The following USP43 variants were observed in gnomAD, a reference collection of about 807,000 sequenced individuals.
USP43 encodes the protein ubiquitin carboxyl-terminal hydrolase 43.
USP43 carries 33 observed loss-of-function variants against 90.7 expected under a neutral mutation model. The ratio of observed to expected loss-of-function variants is 0.36; its 90% confidence interval spans 0.28 to 0.49. The LOEUF is 0.49. Among genes scored for constraint, USP43 ranks in the 20% least tolerant of loss-of-function variants. The pLI is 0.98. For missense variants in USP43, 1,274 were observed against 1,476.4 expected, an observed-to-expected ratio of 0.86 and a Z score of 2.25; for synonymous variants, 598 against 615.8, an observed-to-expected ratio of 0.97 and a Z score of 0.43.
chr17:9,703,469 G>T (rs1915691301), intron 12 of USP43, among the ~76,000 whole-genome samples: 1 of 152,214 alleles, frequency 6.6e-6, no homozygotes, highest in African/African-American at 2.4e-5. Flanking sequence ...GCCCGATTTT[G>T]GGGGTGGTGG....
In USP43 at chr17:9,645,855, C is replaced by G; in HGVS notation, c.223C>G (p.Pro75Ala). 2.1e-6 allele frequency: 3 copies of G among 1,416,214 alleles called. No individual in the cohort carries two copies. Among genetic ancestry groups the G allele is most frequent in the Non-Finnish European group, 2.7e-6 (3 of 1,091,110 alleles). 87.7% of individuals were successfully genotyped at this position (1,416,214 alleles called of 1,614,324 possible). A position where few individuals can be genotyped will look rare whatever the true frequency, so the allele number is the denominator to read the frequency against. Residue 75 changes from proline to alanine, a missense_variant, in exon 1 of 15, where the codon CCC (proline) becomes GCC (alanine). By Grantham distance (27) the Pro-to-Ala change is conservative. This residue lies in a region of USP43 where 259 missense variants were observed against 373.7 expected (regional missense o/e 0.69). Coordinates refer to ENST00000285199, the MANE Select transcript of USP43 (RefSeq NM_153210.5). This position sits in a 1 kb window ranked among gnomAD's most constrained non-coding sequence, Gnocchi z 6.8. ...PGPVPAAPGS[P>A]GEERPPGPQP... ...CCCAGTTCCAGCGGCCCCCGGGAGC[C>G]CCGGGGAGGAACGCCCGCCCGGACC...
Position 9,645,598 on chromosome 17 carries a change from G to A in USP43, c.-35G>A. 1 of 1,182,938 alleles carries A rather than the reference G, an allele frequency of 8.5e-7. No homozygotes were observed. The highest frequency in any genetic ancestry group is 1.0e-6 in the Non-Finnish European group (1 of 957,030). 73.3% of individuals were successfully genotyped at this position (1,182,938 alleles called of 1,614,324 possible). A position where few individuals can be genotyped will look rare whatever the true frequency, so the allele number is the denominator to read the frequency against. On this transcript the variant is annotated 5_prime_UTR_variant, in exon 1 of 15. Coordinates refer to ENST00000285199, the MANE Select transcript of USP43 (RefSeq NM_153210.5). The surrounding 1 kb of genome is among the most constrained non-coding windows in gnomAD (Gnocchi z 6.8). ...TGGCCGCTCGTCCGCCTCGCGCCCG[G>A]GGGCTCCGCGCCTGGAGCTGCGCCG...
intron 14 of USP43, among the ~76,000 whole-genome samples, chr17:9,724,472 G>A (rs1284005175): frequency 6.6e-6 from 1 of 152,196 alleles, no homozygotes; most frequent in African/African-American, 2.4e-5. Context: ...CTGAGGTCAG[G>A]AGTTCAAGAC....
chr17:9,711,376 A>G (rs1215296437), intron 13 of USP43, among the ~76,000 whole-genome samples: 1 of 152,208 alleles, frequency 6.6e-6, no homozygotes. Context: ...AAGTAATTTC[A>G]TGGAAAGCAT....
At chr17:9,670,061 C>T (rs1376013320) in intron 3 of USP43, among the ~76,000 whole-genome samples, 3 of 133,238 alleles carry the variant, frequency 2.3e-5, no homozygotes, top group East Asian at 2.2e-4. Context: ...TTTTTTGAGA[C>T]GGAGTCTTAT....
intron 14 of USP43, among the ~76,000 whole-genome samples, chr17:9,727,430 G>A (rs780320126): frequency 2.6e-5 from 4 of 152,016 alleles, no homozygotes; most frequent in Admixed American, 6.6e-5. Context: ...ATACATGCAC[G>A]TGTATATATT....
Position 9,686,926 on chromosome 17 carries a change from C to CGTGT in USP43, c.1353+29_1353+32dup, listed in dbSNP as rs148093920. 5,379 of 1,568,306 alleles carry CGTGT rather than the reference C, an allele frequency of 3.4e-3. 5 individuals are homozygous for CGTGT. The highest frequency in any genetic ancestry group is 4.3e-3 in the Non-Finnish European group (4,954 of 1,149,334). ...CCTGTACAGGTCAGTGGTGTGCATGCGTGTGTGTGTGTGTGCGTGCATGCG... is the reference window on the plus strand; with the variant it reads ...CCTGTACAGGTCAGTGGTGTGCATGCGTGTGTGTGTGTGTGTGTGCGTGCATGCG... On this transcript the variant is annotated intron_variant, in intron 8 of 14. Transcript: ENST00000285199. The surrounding 1 kb of genome is among the most constrained non-coding windows in gnomAD (Gnocchi z 5.5).
At chr17:9,696,839 C>T (rs1915296509) in intron 9 of USP43, among the ~76,000 whole-genome samples, 2 of 152,254 alleles carry the variant, frequency 1.3e-5, no homozygotes, top group Admixed American at 1.3e-4. Flanking sequence ...TTAGAGGGCA[C>T]ACATCCTGCC....
chr17:9,692,214 C>T (rs1027135504), intron 8 of USP43, among the ~76,000 whole-genome samples: 1 of 151,868 alleles, frequency 6.6e-6, no homozygotes, highest in Non-Finnish European at 1.5e-5. Flanking sequence ...CAAAAATTAG[C>T]CAGGTGTGGT....
chr17:9,652,115 T>A (rs1911901135), intron 1 of USP43, among the ~76,000 whole-genome samples: 1 of 150,280 alleles, frequency 6.7e-6, no homozygotes, highest in Admixed American at 6.7e-5. Context: ...CTGAGCACAG[T>A]GGCTCATGCC....
intron 1 of USP43, among the ~76,000 whole-genome samples, chr17:9,647,957 C>T (rs1414157567): frequency 6.6e-6 from 1 of 151,966 alleles, no homozygotes; most frequent in Non-Finnish European, 1.5e-5. Flanking sequence ...GGAGGCGGAG[C>T]TTGCAGTGAG....
intron 12 of USP43, among the ~76,000 whole-genome samples, chr17:9,702,906 C>G (rs887831173): frequency 8.5e-5 from 13 of 152,150 alleles, no homozygotes; most frequent in Admixed American, 7.9e-4. Context: ...CAGAGATGCG[C>G]TGGATGGTGG....
intron 3 of USP43, among the ~76,000 whole-genome samples, chr17:9,667,577 G>A (rs1156550520): frequency 6.6e-6 from 1 of 152,202 alleles, no homozygotes; most frequent in Non-Finnish European, 1.5e-5. Flanking sequence ...AGAGAGGGGA[G>A]AAAACCCCAT....
At chr17:9,702,115 C>G (rs1212067896) in intron 12 of USP43, among the ~76,000 whole-genome samples, 1 of 152,004 alleles carries the variant, frequency 6.6e-6, no homozygotes, top group Non-Finnish European at 1.5e-5. Context: ...AATCCCAGCA[C>G]TTTGGGAGGC....
chr17:9,707,223 C>T (rs577264911), intron 12 of USP43, among the ~76,000 whole-genome samples: 20 of 152,220 alleles, frequency 1.3e-4, no homozygotes, highest in South Asian at 2.1e-4. Context: ...CATTTACGTA[C>T]GCGCACATGT....
At position 9,665,017 on chromosome 17, in the gene USP43, A is replaced by G. The variant is rs181477042; in HGVS notation, c.637-1631A>G. ...TTTGATTCTGGGATTGCCCTTAGGG[A>G]CAGACCTCTTCCAGGGCAGAAATTT... On this transcript the variant is annotated intron_variant, in intron 2 of 14. Coordinates refer to ENST00000285199, the MANE Select transcript of USP43 (RefSeq NM_153210.5). Among the ~76,000 whole-genome samples the G allele has an allele frequency of 3.0e-3, 459 of 152,308 alleles. 1 individual carries two copies. The highest frequency in any genetic ancestry group is 7.7e-3 in the South Asian group (37 of 4,824).
intron 14 of USP43, among the ~76,000 whole-genome samples, chr17:9,717,318 T>C (rs1253339609): frequency 1.3e-5 from 2 of 151,862 alleles, no homozygotes; most frequent in Non-Finnish European, 2.9e-5. Context: ...CACGTCTGCA[T>C]TTCTGTTGGG....
At chr17:9,707,142 G>A (rs1399005625) in intron 12 of USP43, among the ~76,000 whole-genome samples, 2 of 152,106 alleles carry the variant, frequency 1.3e-5, no homozygotes, top group African/African-American at 4.8e-5. Flanking sequence ...AATAAAATAT[G>A]ATGATGAGGC....
At chr17:9,692,109 A>G (rs915998543) in intron 8 of USP43, among the ~76,000 whole-genome samples, 4 of 151,846 alleles carry the variant, frequency 2.6e-5, no homozygotes, top group Non-Finnish European at 5.9e-5. Flanking sequence ...CTGTAATCCC[A>G]GCATTTTGGG....
Sources: allele counts gnomAD v4.1 joint callset (sites outside exome capture counted in the v4.1 genomes callset), GRCh38; gene constraint gnomAD v4.1.1; regional missense constraint gnomAD v4.1.1; non-coding constraint Gnocchi (gnomAD v3.1); transcripts MANE v1.5; gene names NCBI Gene and HGNC (gene_info 2026-07-23, HGNC 2026-07-21).